Variants in POLR3B observed in about 807,000 individuals in gnomAD.
POLR3B encodes RNA polymerase III subunit B.
Under a neutral mutation model 147.4 loss-of-function variants are expected in POLR3B, and 96 were observed. The ratio of observed to expected loss-of-function variants is 0.65; its 90% CI spans 0.55 to 0.77. POLR3B has a LOEUF of 0.77. Among genes scored for constraint, POLR3B ranks in the 30% least tolerant of loss-of-function variants. POLR3B has a pLI of 0.00. For synonymous variants in POLR3B, 461 were observed against 485.9 expected, an observed-to-expected ratio of 0.95 and a Z score of 0.67; for missense variants, 1,036 against 1,413.5, an observed-to-expected ratio of 0.73 and a Z score of 4.28.
chr12:106,437,132 G>A lies in POLR3B; in HGVS notation c.1856+1G>A. On this transcript the variant is annotated splice_donor_variant, in intron 17 of 27. Transcript: ENST00000228347. LOFTEE classifies it high-confidence loss of function. ...TGGAAGAGCTGGCCCAAGGGTACAGGTAAGTAGCCAAAAGTAAAACTTACC... is the reference window on the plus strand; with the variant it reads ...TGGAAGAGCTGGCCCAAGGGTACAGATAAGTAGCCAAAAGTAAAACTTACC... 1 of 1,607,728 alleles carries A rather than the reference G, an allele frequency of 6.2e-7. No homozygotes were observed.
chr12:106,473,153 T>C (rs2038117207), intron 23 of POLR3B, among the ~76,000 whole-genome samples: 1 of 92,230 alleles, frequency 1.1e-5, no homozygotes, highest in Admixed American at 1.2e-4. Context: ...TTCTCAGGTT[T>C]GTCAAAGATC....
intron 1 of POLR3B, among the ~76,000 whole-genome samples, chr12:106,358,546 G>A (rs75151145): frequency 0.033 from 4,950 of 152,272 alleles, 137 homozygotes; most frequent in African/African-American, 0.074. Context: ...GAGCTGCCCA[G>A]TGAAGTGCGG....
chr12:106,359,961 A>G (rs562908746), intron 1 of POLR3B, among the ~76,000 whole-genome samples: 2 of 152,340 alleles, frequency 1.3e-5, no homozygotes, highest in South Asian at 2.1e-4. Flanking sequence ...TTACACAGCT[A>G]TGAAGTGAAC....
intron 23 of POLR3B, among the ~76,000 whole-genome samples, chr12:106,483,739 T>G (rs2038301242): frequency 6.6e-6 from 1 of 152,174 alleles, no homozygotes; most frequent in African/African-American, 2.4e-5. Flanking sequence ...CTCTGATAGT[T>G]TTCTTGAGTC....
intron 19 of POLR3B, among the ~76,000 whole-genome samples, chr12:106,453,083 G>A (rs1313195099): frequency 5.4e-5 from 8 of 148,050 alleles, no homozygotes; most frequent in Admixed American, 3.4e-4. Context: ...GGAGTGTAGT[G>A]GTATGATCTT....
intron 9 of POLR3B, among the ~76,000 whole-genome samples, chr12:106,385,779 T>G (rs970858502): frequency 6.6e-6 from 1 of 152,190 alleles, no homozygotes; most frequent in African/African-American, 2.4e-5. Flanking sequence ...TGAAGAAACT[T>G]TTAGGAAATT....
intron 19 of POLR3B, among the ~76,000 whole-genome samples, chr12:106,446,756 GC>G (rs1352390480): frequency 1.3e-5 from 2 of 152,124 alleles, no homozygotes; most frequent in African/African-American, 4.8e-5. Flanking sequence ...ATAAAAAAAA[GC>G]CTTTGTTACT....
chr12:106,437,624 T>C, intron 17 of POLR3B, 57 bp from the exon 18 acceptor site: 1 of 966,052 alleles, frequency 1.0e-6, no homozygotes, highest in Non-Finnish European at 1.7e-6. Flanking sequence ...TGTTATTATA[T>C]AAAATACTGC....
intron 10 of POLR3B, among the ~76,000 whole-genome samples, chr12:106,400,452 A>G (rs563409406): frequency 6.6e-6 from 1 of 152,194 alleles, no homozygotes; most frequent in African/African-American, 2.4e-5. Context: ...CAGGAATTGA[A>G]CTCGACTCTG....
chr12:106,431,819 A>T (rs909442344), intron 14 of POLR3B, among the ~76,000 whole-genome samples: 1 of 152,194 alleles, frequency 6.6e-6, no homozygotes, highest in Non-Finnish European at 1.5e-5. Context: ...CATCTGAAAG[A>T]GTTTTTCAGT....
At chr12:106,451,533 A>G (rs994128550) in intron 19 of POLR3B, among the ~76,000 whole-genome samples, 1 of 150,976 alleles carries the variant, frequency 6.6e-6, no homozygotes, top group Non-Finnish European at 1.5e-5. Flanking sequence ...GAGGCACAAG[A>G]ATCAGTTGAA....
chr12:106,357,999 A>C (rs201562183), intron 1 of POLR3B, 48 bp downstream of exon 1: 262 of 1,602,294 alleles, frequency 1.6e-4, no homozygotes, highest in Non-Finnish European at 2.1e-4. Flanking sequence ...ATGCGCCCTG[A>C]GGGGGCGTTG....
At chr12:106,379,108 A>T (rs970176747) in intron 8 of POLR3B, among the ~76,000 whole-genome samples, 1 of 152,200 alleles carries the variant, frequency 6.6e-6, no homozygotes, top group Non-Finnish European at 1.5e-5. Context: ...AGCCAGGCAA[A>T]ATACTAGGTA....
intron 9 of POLR3B, among the ~76,000 whole-genome samples, chr12:106,391,180 A>T (rs2136914991): frequency 6.6e-6 from 1 of 152,328 alleles, no homozygotes; most frequent in East Asian, 1.9e-4. Flanking sequence ...GCAGGTGCTC[A>T]TTGGCTGTTG....
chr12:106,459,200 T>C, intron 21 of POLR3B, 51 bp from the exon 22 acceptor site: 1 of 1,021,974 alleles, frequency 9.8e-7, no homozygotes, highest in Non-Finnish European at 1.6e-6. Flanking sequence ...GTAATCTTTG[T>C]ATTCCACACA....
intron 12 of POLR3B, among the ~76,000 whole-genome samples, chr12:106,416,178 T>C (rs932018051): frequency 1.3e-5 from 2 of 152,212 alleles, no homozygotes; most frequent in Admixed American, 6.5e-5. Flanking sequence ...GAGAATGTTA[T>C]TTGACCATTA....
At chr12:106,479,221 A>C (rs572623729) in intron 23 of POLR3B, among the ~76,000 whole-genome samples, 8 of 152,030 alleles carry the variant, frequency 5.3e-5, no homozygotes, top group African/African-American at 1.7e-4. Context: ...TTAGTGATCA[A>C]ATATTGGGAC....
intron 7 of POLR3B, among the ~76,000 whole-genome samples, chr12:106,377,323 A>C (rs1263663057): frequency 1.3e-5 from 2 of 152,146 alleles, no homozygotes; most frequent in Non-Finnish European, 2.9e-5. Context: ...TATTCCTGTA[A>C]AGTTGCATTG....
At chr12:106,443,253 A>G (rs1041312921) in intron 18 of POLR3B, among the ~76,000 whole-genome samples, 4 of 152,210 alleles carry the variant, frequency 2.6e-5, no homozygotes, top group African/African-American at 9.6e-5. Context: ...TTGGATGCCA[A>G]TTTTTTATCA....
Sources: allele counts gnomAD v4.1 joint callset (sites outside exome capture counted in the v4.1 genomes callset), GRCh38; gene constraint gnomAD v4.1.1; transcripts MANE v1.5; gene names NCBI Gene and HGNC (gene_info 2026-07-23, HGNC 2026-07-21).